HIVEP3: variants seen among roughly 807,000 people sequenced by gnomAD.
HIVEP3 encodes HIVEP zinc finger 3.
Under a neutral mutation model 152.8 loss-of-function variants are expected in HIVEP3, and 49 were observed. The ratio of observed to expected loss-of-function variants is 0.32; its 90% CI spans 0.26 to 0.41. HIVEP3 has a LOEUF of 0.41. HIVEP3 is among the 10% of genes least tolerant of loss of function. The probability of loss-of-function intolerance (pLI) is 1.00; values close to 1 mark genes in which losing one functional copy is unlikely to be tolerated. For synonymous variants in HIVEP3, 1,269 were observed against 1,289.0 expected (o/e 0.98, Z 0.33); for missense variants, 2,790 against 3,103.3 (o/e 0.90, Z 2.40).
intron 1 of HIVEP3, among the ~76,000 whole-genome samples, chr1:41,775,469 TTTTG>T (rs751971703): frequency 1.3e-5 from 2 of 152,038 alleles, no homozygotes; most frequent in East Asian, 1.9e-4. Context: ...AAGGAGTGTT[TTTTG>T]TTTGTTTGTT....
chr1:41,649,567 C>T (rs1645514220), intron 2 of HIVEP3, among the ~76,000 whole-genome samples: 1 of 152,188 alleles, frequency 6.6e-6, no homozygotes, highest in African/African-American at 2.4e-5. Context: ...AATACATTTC[C>T]TATGAAATCT....
At chr1:41,527,224 T>TCA (rs1642994062) in intron 5 of HIVEP3, among the ~76,000 whole-genome samples, 1 of 41,104 alleles carries the variant, frequency 2.4e-5, no homozygotes. Context: ...CCTCACACAC[T>TCA]CACCCTCACA....
chr1:41,694,666 G>A (rs979968929), intron 2 of HIVEP3, among the ~76,000 whole-genome samples: 1 of 152,220 alleles, frequency 6.6e-6, no homozygotes, highest in African/African-American at 2.4e-5. Flanking sequence ...CCTGTCCTCA[G>A]AGACTGCCAT....
intron 1 of HIVEP3, among the ~76,000 whole-genome samples, chr1:41,776,669 A>C (rs1393446366): frequency 1.3e-5 from 2 of 152,222 alleles, no homozygotes; most frequent in Non-Finnish European, 2.9e-5. Flanking sequence ...TGGGGGTATG[A>C]GGTCATAGCT....
At chr1:41,531,013 A>G (rs963095468) in intron 5 of HIVEP3, among the ~76,000 whole-genome samples, 1 of 152,152 alleles carries the variant, frequency 6.6e-6, no homozygotes, top group African/African-American at 2.4e-5. Flanking sequence ...GAGGCCAGGG[A>G]TGACAGGAGA....
intron 1 of HIVEP3, among the ~76,000 whole-genome samples, chr1:41,799,065 A>T (rs1650153044): frequency 6.6e-6 from 1 of 152,166 alleles, no homozygotes; most frequent in Non-Finnish European, 1.5e-5. Flanking sequence ...CAGAACCTTT[A>T]ATATCCTGAT....
In HIVEP3 at chr1:41,565,561, G is replaced by C. The variant is rs533143265; in HGVS notation, c.5207+9983C>G. Among the ~76,000 whole-genome samples, 1,468 of 151,814 alleles carry C rather than the reference G, an allele frequency of 9.7e-3. 13 individuals are homozygous for C. The highest frequency in any genetic ancestry group is 0.029 in the African/African-American group (1,206 of 41,182). On this transcript the variant is annotated intron_variant, in intron 5 of 8. Transcript: ENST00000372583. ...ACACACACACACACACACACAGAGA[G>C]AGAGAGAGGGCAAGCGAGCACATAT... is the stretch of plus-strand genomic sequence containing the variant.
chr1:41,642,544 C>T (rs951352684), intron 2 of HIVEP3, among the ~76,000 whole-genome samples: 6 of 152,184 alleles, frequency 3.9e-5, no homozygotes, highest in African/African-American at 1.2e-4. Flanking sequence ...ATCTCTTTGT[C>T]GTGGTGTTTA....
chr1:41,643,871 G>A (rs1216856347), intron 2 of HIVEP3, among the ~76,000 whole-genome samples: 1 of 34,348 alleles, frequency 2.9e-5, no homozygotes, highest in Non-Finnish European at 5.5e-5. Context: ...TCCCCAAATT[G>A]TGTCTGCCTT....
At chr1:41,777,409 C>G (rs904220401) in intron 1 of HIVEP3, among the ~76,000 whole-genome samples, 1 of 152,192 alleles carries the variant, frequency 6.6e-6, no homozygotes, top group African/African-American at 2.4e-5. Context: ...GGCTGTGTGC[C>G]CAGGGCTCTC....
intron 1 of HIVEP3, among the ~76,000 whole-genome samples, chr1:41,852,944 C>T (rs1397076751): frequency 1.3e-5 from 2 of 152,214 alleles, no homozygotes; most frequent in African/African-American, 2.4e-5. Flanking sequence ...ACAAACACAG[C>T]AGCCAGTTCC....
chr1:41,932,949 T>C (rs1645002658), intron 1 of HIVEP3, among the ~76,000 whole-genome samples: 1 of 151,972 alleles, frequency 6.6e-6, no homozygotes, highest in Non-Finnish European at 1.5e-5. Flanking sequence ...TTTAGATATG[T>C]GTTGTTTCAT....
intron 1 of HIVEP3, among the ~76,000 whole-genome samples, chr1:41,790,159 T>A (rs977655667): frequency 1.1e-4 from 16 of 152,256 alleles, no homozygotes; most frequent in Non-Finnish European, 2.2e-4. Context: ...TGGATCCCAG[T>A]GGTGGAGGTA....
rs193123026 is a variant in HIVEP3 at position 41,658,581 on chromosome 1, C to A, written c.-720-29634G>T. Among the ~76,000 whole-genome samples, 114 of 152,202 alleles carry A rather than the reference C, an allele frequency of 7.5e-4. 1 individual carries two copies. The highest frequency in any genetic ancestry group is 1.7e-3 in the African/African-American group (70 of 41,568). ...AAGTGCATGTTCTCACTTCACCCCCCCCATGAGCCTCGGGAGGCAGGTTCT... is the reference window on the plus strand; with the variant it reads ...AAGTGCATGTTCTCACTTCACCCCCACCATGAGCCTCGGGAGGCAGGTTCT... On this transcript the variant is annotated intron_variant, in intron 2 of 8. Transcript: ENST00000372583.
At chr1:41,743,753 A>G (rs1198014513) in intron 1 of HIVEP3, among the ~76,000 whole-genome samples, 1 of 152,148 alleles carries the variant, frequency 6.6e-6, no homozygotes, top group East Asian at 1.9e-4. Context: ...GGTCCTGGGT[A>G]TAGGGGACTT....
At chr1:41,526,244 C>T (rs1642899611) in intron 5 of HIVEP3, among the ~76,000 whole-genome samples, 1 of 151,456 alleles carries the variant, frequency 6.6e-6, no homozygotes, top group South Asian at 2.1e-4. Flanking sequence ...CCCTCACACT[C>T]GCCCTCACAC....
chr1:41,825,463 G>A lies in HIVEP3; in HGVS notation c.-801+92950C>T, dbSNP rs542789616. 5.3e-5 allele frequency among the ~76,000 whole-genome samples: 8 copies of A among 152,124 alleles called. No individual in the cohort carries two copies. In the South Asian group the frequency reaches 1.7e-3, roughly 32 times the overall value. On this transcript the variant is annotated intron_variant, in intron 1 of 8. Transcript: ENST00000372583. ...TATTTTCTATTTTCAGTAGAGATGG[G>A]GTTTCTACTGTTGGCCAGGCTGGTC...
intron 5 of HIVEP3, among the ~76,000 whole-genome samples, chr1:41,553,030 T>C (rs2149082569): frequency 6.6e-6 from 1 of 152,368 alleles, no homozygotes; most frequent in South Asian, 2.1e-4. Flanking sequence ...GGTGCAGACC[T>C]GAGTTCACGT....
In HIVEP3 at chr1:41,873,911, T is replaced by C. The variant is rs1225299303; in HGVS notation, c.-801+44502A>G. Among the ~76,000 whole-genome samples, 2 of 152,200 alleles carry C rather than the reference T, an allele frequency of 1.3e-5. No individual in the cohort carries two copies. The highest frequency in any genetic ancestry group is 1.9e-4 in the East Asian group (1 of 5,202). Reference sequence around the variant, plus strand: ...AAAGCAACTGGCCCAGGCAGCCTTGTACTTGCTTCATTCTGGGGTCAGGAA... The same window carrying C: ...AAAGCAACTGGCCCAGGCAGCCTTGCACTTGCTTCATTCTGGGGTCAGGAA... On this transcript the variant is annotated intron_variant, in intron 1 of 8. Transcript: ENST00000372583. The surrounding 1 kb of genome is among the most constrained non-coding windows in gnomAD (Gnocchi z 4.2).
Sources: allele counts gnomAD v4.1 joint callset (sites outside exome capture counted in the v4.1 genomes callset), GRCh38; gene constraint gnomAD v4.1.1; non-coding constraint Gnocchi (gnomAD v3.1); transcripts MANE v1.5; gene names NCBI Gene and HGNC (gene_info 2026-07-23, HGNC 2026-07-21).